Variants in SPIN1 observed in about 807,000 individuals in gnomAD.
The protein encoded by SPIN1 is spindlin 1.
A neutral mutation model predicts 26.0 loss-of-function variants in SPIN1; 3 were observed. That is an observed-to-expected ratio of 0.12 (90% confidence interval 0.05 to 0.30). The LOEUF (loss-of-function observed/expected upper bound fraction) is 0.30. SPIN1 is among the 10% of genes least tolerant of loss of function. The pLI is 1.00. For missense variants in SPIN1, 126 were observed against 333.4 expected (o/e 0.38, Z 4.84); for synonymous variants, 101 against 116.5 (o/e 0.87, Z 0.86).
intron 2 of SPIN1, among the ~76,000 whole-genome samples, chr9:88,436,305 A>G (rs568675281): frequency 1.3e-5 from 2 of 152,326 alleles, no homozygotes; most frequent in East Asian, 3.9e-4. Context: ...ATCTTTCTAC[A>G]GTTTTAGAGT....
At chr9:88,474,069 A>G (rs1205024405) in intron 5 of SPIN1, among the ~76,000 whole-genome samples, 4 of 152,174 alleles carry the variant, frequency 2.6e-5, no homozygotes, top group African/African-American at 9.7e-5. Context: ...TACTATTAAT[A>G]CATGTACATT....
intron 1 of SPIN1, among the ~76,000 whole-genome samples, chr9:88,421,506 C>G (rs1827666319): frequency 6.6e-6 from 1 of 151,910 alleles, no homozygotes; most frequent in African/African-American, 2.4e-5. Flanking sequence ...CACTTGAACT[C>G]CTGGGCTCAA....
At chr9:88,426,885 TAA>T (rs10618188) in intron 2 of SPIN1, among the ~76,000 whole-genome samples, 4,002 of 152,252 alleles carry the variant, frequency 0.026, 175 homozygotes, top group African/African-American at 0.092. Flanking sequence ...CCGGAAGAGT[TAA>T]AGTGAGGTGA....
At chr9:88,395,135 A>G (rs1330216270) in intron 1 of SPIN1, among the ~76,000 whole-genome samples, 1 of 151,908 alleles carries the variant, frequency 6.6e-6, no homozygotes, top group African/African-American at 2.4e-5. Flanking sequence ...AACATGTAGA[A>G]CATTTATGTG....
chr9:88,396,662 A>G (rs1827066538), intron 1 of SPIN1, among the ~76,000 whole-genome samples: 1 of 152,110 alleles, frequency 6.6e-6, no homozygotes, highest in African/African-American at 2.4e-5. Context: ...AAAGTTTATA[A>G]TGTAGCCTCA....
chr9:88,441,398 C>CGCGCGTGTGTGTGTGTGTGTGTGTGTGT lies in SPIN1; in HGVS notation c.53-7542_53-7541insCGCGTGTGTGTGTGTGTGTGTGTGTGTG, dbSNP rs757363030. On this transcript the variant is annotated intron_variant, in intron 2 of 5. Coordinates refer to ENST00000375859, the MANE Select transcript of SPIN1 (RefSeq NM_006717.3). ...TGGTTGTATCATCATTGCTGCCATT[C>CGCGCGTGTGTGTGTGTGTGTGTGTGTGT]GTGTGTGTGTGTGTGTGCGCGCGCG... is the stretch of plus-strand genomic sequence containing the variant. Among the ~76,000 whole-genome samples the CGCGCGTGTGTGTGTGTGTGTGTGTGTGT allele has an allele frequency of 5.2e-4, 71 of 137,794 alleles. 1 individual carries two copies. Among genetic ancestry groups the CGCGCGTGTGTGTGTGTGTGTGTGTGTGT allele is most frequent in the African/African-American group, 2.1e-3 (64 of 31,026 alleles). 90.4% of individuals were successfully genotyped at this position (137,794 alleles called of 152,430 possible). A position where few individuals can be genotyped will look rare whatever the true frequency, so the allele number is the denominator to read the frequency against.
At chr9:88,400,307 T>C (rs184581311) in intron 1 of SPIN1, among the ~76,000 whole-genome samples, 3 of 152,284 alleles carry the variant, frequency 2.0e-5, no homozygotes, top group Admixed American at 2.0e-4. Flanking sequence ...GTATTTGATT[T>C]GTGGCAATGG....
intron 2 of SPIN1, among the ~76,000 whole-genome samples, chr9:88,430,883 C>CTTT (rs906131135): frequency 2.3e-5 from 3 of 132,072 alleles, no homozygotes; most frequent in East Asian, 2.2e-4. Flanking sequence ...TATATTTTTT[C>CTTT]TTTTTTTTTT....
At position 88,478,423 on chromosome 9, in the gene SPIN1, G is replaced by T. The variant is rs1460821660; in HGVS notation, c.*3146G>T. The T allele has an allele frequency of 6.6e-6, 1 of 152,638 alleles. No homozygotes were observed. The highest frequency in any genetic ancestry group is 1.5e-5 in the Non-Finnish European group (1 of 68,030). The allele number at this position is 152,638 out of a possible 1,614,324, so 9.5% of individuals were successfully genotyped here. On this transcript the variant is annotated 3_prime_UTR_variant, in exon 6 of 6. Coordinates refer to ENST00000375859, the MANE Select transcript of SPIN1 (RefSeq NM_006717.3). ...GTTCCTTGGAAATGCTGCGCTCTTT[G>T]TGTTTTTCCATCATTAGTGCAGTTG... is the stretch of plus-strand genomic sequence containing the variant.
intron 2 of SPIN1, among the ~76,000 whole-genome samples, chr9:88,443,902 C>T (rs963881945): frequency 6.6e-6 from 1 of 150,704 alleles, no homozygotes; most frequent in Non-Finnish European, 1.5e-5. Context: ...TAAGAGAGCC[C>T]CCAACCCCTG....
rs1427509400 is a variant in SPIN1 at position 88,389,122 on chromosome 9, G to T, written c.-159+584G>T. ...GGGATGGCCGCGGACCTTGTAAGTT[G>T]CAGGCTCCGCGGTTCGCGGCGCCGG... On this transcript the variant is annotated intron_variant, in intron 1 of 5. Coordinates refer to ENST00000375859, the MANE Select transcript of SPIN1 (RefSeq NM_006717.3). Among the ~76,000 whole-genome samples, 3 of 152,136 alleles carry T rather than the reference G, an allele frequency of 2.0e-5. No homozygotes were observed. The East Asian group carries it at 5.8e-4, about 29-fold the overall frequency.
Position 88,448,972 on chromosome 9 carries a change from G to A in SPIN1, c.84G>A (p.Lys28=), listed in dbSNP as rs1318666549. ...GHAGVSANMM[K]KRTSHKKHRS... ...CTGGAGTATCTGCCAACATGATGAA[G>A]AAGAGGACATCCCACAAGTAAGCAG... is the stretch of plus-strand genomic sequence containing the variant. The change falls in exon 3 of 6, where the codon AAG becomes AAA. Residue 28 remains lysine (K), a synonymous_variant. Transcript: ENST00000375859. 3.1e-6 allele frequency: 5 copies of A among 1,612,730 alleles called. No homozygotes were observed. The African/African-American group carries it at 5.4e-5, about 17-fold the overall frequency.
chr9:88,416,953 T>TG (rs534334851), intron 1 of SPIN1, among the ~76,000 whole-genome samples: 93 of 152,336 alleles, frequency 6.1e-4, no homozygotes, highest in African/African-American at 2.0e-3. Context: ...ATAGAAGAGT[T>TG]GAAACTATAG....
Position 88,476,804 on chromosome 9 carries a change from G to C in SPIN1, c.*1527G>C, listed in dbSNP as rs1828896124. The C allele has an allele frequency of 1.3e-5, 2 of 152,174 alleles. No homozygotes were observed. Among genetic ancestry groups the C allele is most frequent in the Non-Finnish European group, 2.9e-5 (2 of 68,044 alleles). 9.4% of individuals were successfully genotyped at this position (152,174 alleles called of 1,614,324 possible). A position where few individuals can be genotyped will look rare whatever the true frequency, so the allele number is the denominator to read the frequency against. On this transcript the variant is annotated 3_prime_UTR_variant, in exon 6 of 6. Transcript: ENST00000375859. ...CCATATGTGAAACCAGTCTCTTGTG[G>C]AGATTGGAAATCCTCCCTGATATTT...
At chr9:88,449,411 G>A (rs1231685606) in intron 3 of SPIN1, among the ~76,000 whole-genome samples, 1 of 152,042 alleles carries the variant, frequency 6.6e-6, no homozygotes, top group African/African-American at 2.4e-5. Flanking sequence ...TGCCTAGCAT[G>A]GTGTCACATG....
intron 1 of SPIN1, among the ~76,000 whole-genome samples, chr9:88,393,148 T>TTC (rs1034609859): frequency 6.7e-6 from 1 of 149,326 alleles, no homozygotes; most frequent in African/African-American, 2.5e-5. Context: ...TTTTTTTTTT[T>TTC]CCTGAAGGGA....
chr9:88,409,321 T>C (rs138360425), intron 1 of SPIN1, among the ~76,000 whole-genome samples: 397 of 152,226 alleles, frequency 2.6e-3, no homozygotes, highest in African/African-American at 9.1e-3. Flanking sequence ...TGTTTTTTTT[T>C]CTGCTGGTTT....
At chr9:88,436,790 A>G (rs1253542093) in intron 2 of SPIN1, among the ~76,000 whole-genome samples, 1 of 101,918 alleles carries the variant, frequency 9.8e-6, no homozygotes, top group Non-Finnish European at 1.8e-5. Flanking sequence ...TTTGAGACGG[A>G]GTCTCGCTCT....
intron 2 of SPIN1, among the ~76,000 whole-genome samples, chr9:88,429,887 C>G (rs770131434): frequency 1.3e-5 from 2 of 152,118 alleles, no homozygotes; most frequent in African/African-American, 4.8e-5. Flanking sequence ...AAGACACTTA[C>G]CACTCCAGAG....
Sources: gnomAD v4.1 joint callset for allele counts (sites outside exome capture counted in the v4.1 genomes callset) on GRCh38, gnomAD v4.1.1 for gene constraint, MANE v1.5 for transcripts, NCBI Gene and HGNC (gene_info 2026-07-23, HGNC 2026-07-21) for gene names.